Variants in ELMOD3 observed in about 807,000 individuals in gnomAD.
ELMOD3 encodes the protein ELMO domain containing 3.
A neutral mutation model predicts 47.4 loss-of-function variants in ELMOD3; 36 were observed. That is an observed-to-expected ratio of 0.76 (90% CI 0.58 to 1.00). ELMOD3 has a LOEUF of 1.00. Among genes scored for constraint, ELMOD3 ranks in the 50% least tolerant of loss-of-function variants. The pLI, the probability that ELMOD3 is intolerant of heterozygous loss-of-function variation, is 0.00. For synonymous variants in ELMOD3, 149 were observed against 183.5 expected, an observed-to-expected ratio of 0.81 and a Z score of 1.52; for missense variants, 404 against 463.8, an observed-to-expected ratio of 0.87 and a Z score of 1.18.
intron 11 of ELMOD3, among the ~76,000 whole-genome samples, chr2:85,388,236 C>T (rs972169558): frequency 3.9e-5 from 6 of 152,186 alleles, no homozygotes; most frequent in Admixed American, 3.3e-4. Flanking sequence ...GTGATCCATC[C>T]GCCTGTAATC....
At chr2:85,379,235 C>T (rs1004637474) in intron 11 of ELMOD3, among the ~76,000 whole-genome samples, 1 of 152,164 alleles carries the variant, frequency 6.6e-6, no homozygotes, top group Non-Finnish European at 1.5e-5. Context: ...GACGGAGTCT[C>T]GCTGTGTCCT....
intron 8 of ELMOD3, 111 bp from the exon 9 acceptor site, chr2:85,370,975 T>C: frequency 1.5e-6 from 2 of 1,306,188 alleles, no homozygotes; most frequent in East Asian, 4.7e-5. Context: ...GCCAGCCAGA[T>C]AGCTGGGGGA....
chr2:85,375,754 C>G (rs1040883810), intron 10 of ELMOD3, among the ~76,000 whole-genome samples: 3 of 152,216 alleles, frequency 2.0e-5, no homozygotes, highest in African/African-American at 7.2e-5. Flanking sequence ...TCAGGTCTTA[C>G]TGAGAACCTG....
intron 4 of ELMOD3, among the ~76,000 whole-genome samples, chr2:85,359,559 C>T (rs1363588673): frequency 4.0e-5 from 6 of 151,814 alleles, no homozygotes; most frequent in Non-Finnish European, 7.4e-5. Flanking sequence ...AGGTGTGCAC[C>T]ACCACGCCCG....
rs145153970 is a variant in ELMOD3, at chr2:85,361,909, T to C, written c.55-277T>C. Among the ~76,000 whole-genome samples the C allele has an allele frequency of 9.0e-3, 1,343 of 149,610 alleles. 21 individuals carry two copies. Among genetic ancestry groups the C allele is most frequent in the East Asian group, 0.062 (315 of 5,072 alleles). ...TCGTGCCACTGTACTCCAGCCTGGG[T>C]GACAGAGTGAGACTCCGTCTCAAAA... On this transcript the variant is annotated intron_variant, in intron 4 of 13. Transcript: ENST00000409013.
At chr2:85,389,710 A>C in intron 11 of ELMOD3, 41 bp from the exon 12 acceptor site, 1 of 1,572,168 alleles carries the variant, frequency 6.4e-7, no homozygotes, top group Admixed American at 1.7e-5. Flanking sequence ...AAACACAGTG[A>C]GAGCTGGAGT....
intron 11 of ELMOD3, among the ~76,000 whole-genome samples, chr2:85,380,629 G>A (rs951327770): frequency 5.3e-5 from 8 of 152,162 alleles, no homozygotes; most frequent in Non-Finnish European, 1.2e-4. Flanking sequence ...AGGTTCAAGC[G>A]ATTCTACTGC....
chr2:85,389,497 C>T (rs1262317717), intron 11 of ELMOD3: 3 of 555,568 alleles, frequency 5.4e-6, no homozygotes, highest in Non-Finnish European at 9.7e-6. Context: ...GGGTTATGCA[C>T]ATCAGCTCTG....
chr2:85,364,401 T>G (rs1376350928), intron 6 of ELMOD3, among the ~76,000 whole-genome samples: 1 of 151,724 alleles, frequency 6.6e-6, no homozygotes, highest in Non-Finnish European at 1.5e-5. Flanking sequence ...CTGACCAACA[T>G]AGTTAAACCC....
At chr2:85,362,989 CT>C in intron 5 of ELMOD3, 107 bp from the exon 6 acceptor site, 1 of 687,028 alleles carries the variant, frequency 1.5e-6, no homozygotes, top group Non-Finnish European at 2.6e-6. Context: ...ACACTAGGTC[CT>C]TTTGGCCTCC....
chr2:85,369,824 C>G lies in ELMOD3; in HGVS notation c.354C>G (p.Pro118=). 1 of 1,614,090 alleles carries G rather than the reference C, an allele frequency of 6.2e-7. No homozygotes were observed. Among genetic ancestry groups the G allele is most frequent in the East Asian group, 2.2e-5 (1 of 44,882 alleles). Residue 118 remains proline, a synonymous_variant, in exon 8 of 14, where the codon CCC becomes CCG. Coordinates refer to ENST00000409013, the MANE Select transcript of ELMOD3 (RefSeq NM_001135022.2). ...ACTTCCAGACTGTGGACCTTTCCCCCTTCAAGGTATGAGGGTAGCAGGGTT... is the reference window on the plus strand; with the variant it reads ...ACTTCCAGACTGTGGACCTTTCCCCGTTCAAGGTATGAGGGTAGCAGGGTT... The part of the protein sequence containing the change: ...LQHFQTVDLS[P]FKKRIQPTIR...
chr2:85,361,638 G>A (rs1367233942), intron 4 of ELMOD3, among the ~76,000 whole-genome samples: 1 of 152,134 alleles, frequency 6.6e-6, no homozygotes, highest in Non-Finnish European at 1.5e-5. Context: ...CTATTGGAAA[G>A]TGGAGGGTTG....
At chr2:85,366,494 A>G (rs997607884) in intron 6 of ELMOD3, among the ~76,000 whole-genome samples, 2 of 152,164 alleles carry the variant, frequency 1.3e-5, no homozygotes, top group African/African-American at 2.4e-5. Context: ...GCCTCTGTCC[A>G]TTGCCCTGCT....
intron 8 of ELMOD3, among the ~76,000 whole-genome samples, 164 bp from the exon 9 acceptor site, chr2:85,370,922 A>T (rs1466653724): frequency 3.9e-5 from 6 of 152,230 alleles, no homozygotes; most frequent in Non-Finnish European, 7.3e-5. Flanking sequence ...CTAGAGACTC[A>T]ACAGGTGCCT....
chr2:85,369,617 G>A, intron 7 of ELMOD3, 122 bp from the exon 8 acceptor site: 5 of 963,814 alleles, frequency 5.2e-6, no homozygotes, highest in Non-Finnish European at 8.0e-6. Context: ...GTAGCTGTAA[G>A]TGTCTGATGT....
intron 6 of ELMOD3, 124 bp downstream of exon 6, chr2:85,363,290 GT>G: frequency 1.6e-6 from 1 of 634,818 alleles, no homozygotes; most frequent in South Asian, 1.9e-5. Context: ...AGATGTATCA[GT>G]CCTTGGGGAA....
At position 85,377,484 on chromosome 2, in the gene ELMOD3, T is replaced by C; in HGVS notation, c.738+10T>C. On this transcript the variant is annotated intron_variant, in intron 11 of 13. Coordinates refer to ENST00000409013, the MANE Select transcript of ELMOD3 (RefSeq NM_001135022.2). Reference sequence around the variant, plus strand: ...TCGTCACCACATCCAGGTGAGACTTTGGTGGGAAGCCAGAGGAAAGGAAAG... The same window carrying C: ...TCGTCACCACATCCAGGTGAGACTTCGGTGGGAAGCCAGAGGAAAGGAAAG... The C allele has an allele frequency of 2.5e-6, 4 of 1,604,128 alleles. No individual in the cohort carries two copies. The highest frequency in any genetic ancestry group is 1.1e-5 in the South Asian group (1 of 89,316).
At position 85,379,005 on chromosome 2, in the gene ELMOD3, A is replaced by G. The variant is rs571882336; in HGVS notation, c.738+1531A>G. On this transcript the variant is annotated intron_variant, in intron 11 of 13. Transcript: ENST00000409013. The stretch of plus-strand genomic sequence containing the variant: ...AATCCTGGATATCAATATAGGCCAC[A>G]TTCTTCTGAAGTCTATACATCAGTA... 1.4e-4 allele frequency among the ~76,000 whole-genome samples: 22 copies of G among 152,342 alleles called. 1 individual carries two copies. The highest frequency in any genetic ancestry group is 6.8e-3 in the Middle Eastern group (2 of 294).
chr2:85,383,117 A>T lies in ELMOD3; in HGVS notation c.738+5643A>T, dbSNP rs1289367169. 2.0e-5 allele frequency among the ~76,000 whole-genome samples: 3 copies of T among 149,880 alleles called. No individual in the cohort carries two copies. The East Asian group carries it at 6.0e-4, about 30-fold the overall frequency. On this transcript the variant is annotated intron_variant, in intron 11 of 13. Transcript: ENST00000409013. The stretch of plus-strand genomic sequence containing the variant: ...AGTTGTACAACAAAATAAACTTTAG[A>T]TCTTTTTTGTTTTTTTGTTTGTTTG...
Sources: allele counts gnomAD v4.1 joint callset (sites outside exome capture counted in the v4.1 genomes callset), GRCh38; gene constraint gnomAD v4.1.1; transcripts MANE v1.5; gene names NCBI Gene and HGNC (gene_info 2026-07-23, HGNC 2026-07-21).